The following CNTN4 variants were observed in gnomAD, a reference collection of about 807,000 sequenced individuals.
CNTN4 encodes contactin-4.
A neutral mutation model predicts 122.5 loss-of-function variants in CNTN4; 77 were observed. The ratio of observed to expected loss-of-function variants is 0.63; its 90% CI spans 0.52 to 0.76. The LOEUF is 0.76. CNTN4 is among the 30% of genes least tolerant of loss of function. The pLI is 0.00. For missense variants in CNTN4, 1,256 were observed against 1,259.1 expected (o/e 1.00, Z 0.04); for synonymous variants, 512 against 447.0 (o/e 1.15, Z -1.83).
At chr3:2,715,609 G>A (rs950543260) in intron 4 of CNTN4, among the ~76,000 whole-genome samples, 2 of 152,120 alleles carry the variant, frequency 1.3e-5, no homozygotes, top group African/African-American at 4.8e-5. Context: ...ACCATAAACT[G>A]GGTAGTTCGA....
At chr3:2,466,392 A>G (rs1170574111) in intron 3 of CNTN4, among the ~76,000 whole-genome samples, 2 of 152,234 alleles carry the variant, frequency 1.3e-5, no homozygotes, top group African/African-American at 4.8e-5. Context: ...ATCTTTCACC[A>G]ACATCTACAG....
At chr3:2,707,242 G>A (rs1471370091) in intron 4 of CNTN4, among the ~76,000 whole-genome samples, 1 of 151,730 alleles carries the variant, frequency 6.6e-6, no homozygotes, top group Non-Finnish European at 1.5e-5. Flanking sequence ...GGAGGTTGAG[G>A]CTGCAGTGAG....
intron 3 of CNTN4, among the ~76,000 whole-genome samples, chr3:2,443,094 G>T (rs940853360): frequency 6.6e-6 from 1 of 151,252 alleles, no homozygotes; most frequent in Non-Finnish European, 1.5e-5. Flanking sequence ...CCCATGACGT[G>T]TGTTTACCTG....
intron 6 of CNTN4, among the ~76,000 whole-genome samples, chr3:2,752,735 CT>C (rs2090155143): frequency 1.3e-5 from 2 of 152,102 alleles, no homozygotes; most frequent in East Asian, 3.9e-4. Context: ...AATTTTTTGT[CT>C]GTTAACCAGT....
chr3:2,905,920 T>C (rs1191971308), intron 12 of CNTN4, among the ~76,000 whole-genome samples: 1 of 152,244 alleles, frequency 6.6e-6, no homozygotes, highest in Non-Finnish European at 1.5e-5. Flanking sequence ...GAATCTTCAG[T>C]GCTTTTTAAA....
chr3:2,750,639 C>T (rs991250584), intron 6 of CNTN4, among the ~76,000 whole-genome samples: 2 of 152,178 alleles, frequency 1.3e-5, no homozygotes, highest in Non-Finnish European at 2.9e-5. Flanking sequence ...AGTCTCTCTG[C>T]AGCATTAAGC....
At chr3:2,893,087 C>A (rs1470831634) in intron 10 of CNTN4, among the ~76,000 whole-genome samples, 2 of 152,162 alleles carry the variant, frequency 1.3e-5, no homozygotes, top group Non-Finnish European at 2.9e-5. Flanking sequence ...GAACAACTGA[C>A]TTTTTCACTT....
At chr3:2,129,890 A>G (rs1335577825) in intron 2 of CNTN4, among the ~76,000 whole-genome samples, 1 of 152,018 alleles carries the variant, frequency 6.6e-6, no homozygotes, top group African/African-American at 2.4e-5. Context: ...TGAATATTGC[A>G]TTTGTGGCAG....
intron 13 of CNTN4, among the ~76,000 whole-genome samples, chr3:2,983,091 G>A (rs983058576): frequency 7.3e-5 from 11 of 151,400 alleles, no homozygotes; most frequent in African/African-American, 2.7e-4. Context: ...GCGGGTGCCT[G>A]TAGTCCCAGC....
chr3:2,818,680 A>G (rs1055931682), intron 6 of CNTN4, among the ~76,000 whole-genome samples: 2 of 152,114 alleles, frequency 1.3e-5, no homozygotes, highest in Non-Finnish European at 2.9e-5. Flanking sequence ...TCTTATATTA[A>G]CTCATTTGTA....
At chr3:2,369,037 G>A (rs1384464452) in intron 3 of CNTN4, among the ~76,000 whole-genome samples, 1 of 152,106 alleles carries the variant, frequency 6.6e-6, no homozygotes, top group Admixed American at 6.5e-5. Context: ...TGATTCTCCT[G>A]CCTCAGCTCC....
In CNTN4 at chr3:2,825,693, G is replaced by A. The variant is rs76758376; in HGVS notation, c.454+6112G>A. Among the ~76,000 whole-genome samples the A allele has an allele frequency of 3.2e-3, 490 of 152,192 alleles. 3 individuals are homozygous for A. The highest frequency in any genetic ancestry group is 0.011 in the African/African-American group (468 of 41,544). On this transcript the variant is annotated intron_variant, in intron 7 of 24. Transcript: ENST00000418658. The stretch of plus-strand genomic sequence containing the variant: ...AACAGAGTGAGATCCTGTCTTAAAA[G>A]CAAACAAACAGACAAAACCCAGAAG...
intron 2 of CNTN4, among the ~76,000 whole-genome samples, chr3:2,240,458 C>T (rs1269086904): frequency 1.3e-5 from 2 of 152,032 alleles, no homozygotes; most frequent in African/African-American, 4.8e-5. Context: ...ATGACCATTA[C>T]TTCATACTAG....
At chr3:2,374,973 G>T (rs1326403915) in intron 3 of CNTN4, among the ~76,000 whole-genome samples, 1 of 152,014 alleles carries the variant, frequency 6.6e-6, no homozygotes, top group African/African-American at 2.4e-5. Context: ...ACTTATTTTA[G>T]CAAAGTCCCA....
At chr3:2,454,094 T>A (rs933732304) in intron 3 of CNTN4, among the ~76,000 whole-genome samples, 2 of 84,086 alleles carry the variant, frequency 2.4e-5, no homozygotes, top group African/African-American at 9.4e-5. Context: ...AGAAGCTAAC[T>A]TGCCTGTTGT....
chr3:2,933,950 C>T (rs137985658), intron 13 of CNTN4, among the ~76,000 whole-genome samples: 172 of 152,168 alleles, frequency 1.1e-3, no homozygotes, highest in Non-Finnish European at 1.6e-3. Flanking sequence ...GCGGAAGCCA[C>T]GCCTGCTGGG....
At chr3:2,303,340 C>A (rs1003308698) in intron 2 of CNTN4, among the ~76,000 whole-genome samples, 1 of 151,918 alleles carries the variant, frequency 6.6e-6, no homozygotes, top group African/African-American at 2.4e-5. Context: ...ATCACCCCTG[C>A]CCCCCAAAAT....
chr3:2,814,217 T>G (rs2150173616), intron 6 of CNTN4, among the ~76,000 whole-genome samples: 1 of 152,348 alleles, frequency 6.6e-6, no homozygotes, highest in East Asian at 1.9e-4. Flanking sequence ...TTTTTAAAAA[T>G]CTACACATCA....
chr3:2,314,735 AATT>A (rs2043034207), intron 2 of CNTN4, among the ~76,000 whole-genome samples: 1 of 152,052 alleles, frequency 6.6e-6, no homozygotes, highest in Non-Finnish European at 1.5e-5. Context: ...ATACAATTAC[AATT>A]ATTAACAAAA....
Sources: allele counts gnomAD v4.1 joint callset (sites outside exome capture counted in the v4.1 genomes callset), GRCh38; gene constraint gnomAD v4.1.1; transcripts MANE v1.5; gene names NCBI Gene and HGNC (gene_info 2026-07-23, HGNC 2026-07-21).